Variants in PPARG observed in about 807,000 individuals in gnomAD.
PPARG encodes the protein peroxisome proliferator activated receptor gamma.
In PPARG, 17 loss-of-function variants were observed where a neutral mutation model predicts 39.2. The observed-to-expected ratio is 0.43, with a 90% confidence interval of 0.30 to 0.65. The LOEUF (loss-of-function observed/expected upper bound fraction) is 0.65. Ranked by LOEUF, PPARG falls within the 30% of genes least tolerant of loss-of-function variation. PPARG has a pLI of 0.13. For synonymous variants in PPARG, 223 were observed against 215.7 expected (o/e 1.03, Z -0.30); for missense variants, 406 against 585.9 (o/e 0.69, Z 3.17).
intron 6 of PPARG, 86 bp downstream of exon 6, chr3:12,406,167 A>C: frequency 8.1e-7 from 1 of 1,230,652 alleles, no homozygotes; most frequent in Non-Finnish European, 1.2e-6. Context: ...TTACTGCGCT[A>C]CAAATGCACA....
intron 1 of PPARG, among the ~76,000 whole-genome samples, chr3:12,301,272 T>G (rs1259398102): frequency 6.6e-6 from 1 of 152,246 alleles, no homozygotes; most frequent in Non-Finnish European, 1.5e-5. Flanking sequence ...TGTAACAAAC[T>G]CTGCTTAGTA....
At chr3:12,364,582 C>T (rs889134223) in intron 2 of PPARG, among the ~76,000 whole-genome samples, 3 of 152,164 alleles carry the variant, frequency 2.0e-5, no homozygotes, top group African/African-American at 7.2e-5. Context: ...AGTGTGATTA[C>T]TGGATTGTAT....
At position 12,380,018 on chromosome 3, in the gene PPARG, G is replaced by A. The variant is rs2049584460; in HGVS notation, c.220+87G>A. The A allele has an allele frequency of 6.0e-6, 7 of 1,159,328 alleles. No homozygotes were observed. The South Asian group carries it at 8.8e-5, about 15-fold the overall frequency. 71.8% of individuals were successfully genotyped at this position (1,159,328 alleles called of 1,614,324 possible). A position where few individuals can be genotyped will look rare whatever the true frequency, so the allele number is the denominator to read the frequency against. ...ACCCTGTAATAAATAATGCTCCAGAGACTAGAAATCTAATAGAGAAGGCAT... is the reference window on the plus strand; with the variant it reads ...ACCCTGTAATAAATAATGCTCCAGAAACTAGAAATCTAATAGAGAAGGCAT... On this transcript the variant is annotated intron_variant, in intron 3 of 7. Coordinates refer to ENST00000651735, the MANE Select transcript of PPARG (RefSeq NM_138711.6).
At chr3:12,408,571 T>TC (rs1322090413) in intron 6 of PPARG, among the ~76,000 whole-genome samples, 25 of 113,510 alleles carry the variant, frequency 2.2e-4, no homozygotes, top group Non-Finnish European at 3.6e-4. Flanking sequence ...TCTTTTCTTT[T>TC]TTTTTTTTTT....
At chr3:12,346,158 A>T (rs896249365) in intron 2 of PPARG, among the ~76,000 whole-genome samples, 5 of 152,116 alleles carry the variant, frequency 3.3e-5, no homozygotes, top group Non-Finnish European at 5.9e-5. Context: ...TATTAGAGGG[A>T]AGTTAACTTT....
intron 4 of PPARG, among the ~76,000 whole-genome samples, chr3:12,390,324 T>C (rs1046752054): frequency 3.3e-5 from 5 of 152,148 alleles, no homozygotes; most frequent in African/African-American, 1.2e-4. Flanking sequence ...CACTTAAACA[T>C]ATTTACAGGA....
intron 2 of PPARG, among the ~76,000 whole-genome samples, chr3:12,372,819 A>G (rs2049268612): frequency 6.6e-6 from 1 of 152,212 alleles, no homozygotes. Context: ...GTATTGTGAA[A>G]AGTCTGCGCA....
intron 1 of PPARG, among the ~76,000 whole-genome samples, chr3:12,293,780 A>T (rs2046709946): frequency 6.6e-6 from 1 of 152,216 alleles, no homozygotes; most frequent in South Asian, 2.1e-4. Flanking sequence ...ATGTTTAAGG[A>T]ATAAATTTTC....
chr3:12,317,619 A>G (rs1359192097), intron 2 of PPARG, among the ~76,000 whole-genome samples: 1 of 152,148 alleles, frequency 6.6e-6, no homozygotes, highest in East Asian at 1.9e-4. Context: ...TTTTATTCTT[A>G]TACCATTACA....
intron 2 of PPARG, among the ~76,000 whole-genome samples, chr3:12,342,690 A>C (rs1245592485): frequency 6.6e-6 from 1 of 152,130 alleles, no homozygotes; most frequent in East Asian, 1.9e-4. Context: ...AGAGTTCAAC[A>C]TTGGTTATAT....
chr3:12,412,835 T>C (rs554076326), intron 6 of PPARG, among the ~76,000 whole-genome samples: 1 of 152,164 alleles, frequency 6.6e-6, no homozygotes, highest in Non-Finnish European at 1.5e-5. Context: ...CCCCATCATG[T>C]CCCATTTGTA....
At chr3:12,345,002 T>C (rs928254879) in intron 2 of PPARG, 3 of 152,232 alleles carry the variant, frequency 2.0e-5, no homozygotes, top group East Asian at 1.9e-4. Flanking sequence ...TAGTTGTTAT[T>C]ATTTTCTTCT....
intron 5 of PPARG, among the ~76,000 whole-genome samples, chr3:12,403,311 G>C (rs1161601049): frequency 1.4e-5 from 2 of 145,316 alleles, no homozygotes; most frequent in Non-Finnish European, 3.0e-5. Context: ...AAAAAAAGTT[G>C]TTATACTGTA....
chr3:12,303,844 A>G (rs1187143010), intron 1 of PPARG, among the ~76,000 whole-genome samples: 3 of 152,194 alleles, frequency 2.0e-5, no homozygotes, highest in African/African-American at 4.8e-5. Context: ...GGTCTTGTGT[A>G]ACTAAGGTGC....
At chr3:12,382,105 G>A (rs1393689803) in intron 4 of PPARG, among the ~76,000 whole-genome samples, 1 of 152,092 alleles carries the variant, frequency 6.6e-6, no homozygotes, top group Non-Finnish European at 1.5e-5. Context: ...TCATCCCTTA[G>A]TAAGTGGCAG....
intron 1 of PPARG, among the ~76,000 whole-genome samples, chr3:12,307,097 C>CAAAA (rs11323214): frequency 1.4e-4 from 12 of 83,870 alleles, no homozygotes; most frequent in East Asian, 4.0e-4. Flanking sequence ...GACTCCGTCT[C>CAAAA]AAAAAAAAAA....
At chr3:12,390,910 C>CA (rs1022808566) in intron 4 of PPARG, among the ~76,000 whole-genome samples, 4 of 152,066 alleles carry the variant, frequency 2.6e-5, no homozygotes, top group African/African-American at 9.7e-5. Flanking sequence ...CTCAGTCTGT[C>CA]AAAGTGTTGG....
intron 1 of PPARG, among the ~76,000 whole-genome samples, chr3:12,299,127 C>G (rs1329515603): frequency 2.0e-5 from 3 of 152,122 alleles, no homozygotes; most frequent in Non-Finnish European, 4.4e-5. Flanking sequence ...GAGCCACGCG[C>G]CCAGCCTGAA....
intron 2 of PPARG, chr3:12,327,943 G>T: frequency 2.9e-6 from 2 of 687,762 alleles, no homozygotes; most frequent in Non-Finnish European, 5.2e-6. Context: ...TACAAAATGT[G>T]TGTATGGAAA....
Sources: gnomAD v4.1 joint callset for allele counts (sites outside exome capture counted in the v4.1 genomes callset) on GRCh38, gnomAD v4.1.1 for gene constraint, MANE v1.5 for transcripts, NCBI Gene and HGNC (gene_info 2026-07-23, HGNC 2026-07-21) for gene names.